DMGDH: variants seen among roughly 807,000 people sequenced by gnomAD.
The protein encoded by DMGDH is dimethylglycine dehydrogenase.
A neutral mutation model predicts 95.2 loss-of-function variants in DMGDH; 76 were observed. The observed-to-expected ratio is 0.80, with a 90% confidence interval of 0.66 to 0.97. DMGDH has a LOEUF of 0.97. DMGDH is among the 50% of genes least tolerant of loss of function. The probability of loss-of-function intolerance (pLI) is 0.00; values close to 1 mark genes in which losing one functional copy is unlikely to be tolerated. For missense variants in DMGDH, 987 were observed against 1,055.0 expected (o/e 0.94, Z 0.89); for synonymous variants, 345 against 377.6 (o/e 0.91, Z 1.00).
chr5:79,042,599 A>AT (rs1754542517), intron 6 of DMGDH, 118 bp from the exon 7 acceptor site: 1 of 929,800 alleles, frequency 1.1e-6, no homozygotes, highest in Admixed American at 1.9e-5. Flanking sequence ...AAGTACTGCC[A>AT]TTTTTTGTTA....
At chr5:79,005,550 CAA>C in intron 14 of DMGDH, 143 bp from the exon 15 acceptor site, 2 of 1,187,928 alleles carry the variant, frequency 1.7e-6, no homozygotes, top group Non-Finnish European at 2.4e-6. Flanking sequence ...TATGTCTAGA[CAA>C]ATATTTCTTA....
chr5:79,035,610 T>A (rs989139367), intron 7 of DMGDH, among the ~76,000 whole-genome samples: 3 of 152,090 alleles, frequency 2.0e-5, no homozygotes, highest in African/African-American at 7.2e-5. Flanking sequence ...TTTGACAGAC[T>A]TCCAGGGCAG....
chr5:79,053,140 T>C (rs1000399854), intron 4 of DMGDH, among the ~76,000 whole-genome samples: 3 of 150,458 alleles, frequency 2.0e-5, no homozygotes, highest in East Asian at 3.9e-4. Context: ...TAGATATAGA[T>C]ATAAACTTTT....
intron 15 of DMGDH, among the ~76,000 whole-genome samples, chr5:79,004,576 C>T (rs975370685): frequency 3.3e-5 from 5 of 152,106 alleles, no homozygotes; most frequent in Admixed American, 3.3e-4. Context: ...AAAACACACC[C>T]ACACTCAGTT....
intron 4 of DMGDH, among the ~76,000 whole-genome samples, chr5:79,052,619 C>T (rs1485619131): frequency 4.6e-5 from 7 of 152,134 alleles, no homozygotes. Context: ...GTACCTTCTC[C>T]CAGATGCAGA....
rs938943816 is a variant in DMGDH, at chr5:79,024,285, C to G, written c.2236G>C (p.Val746Leu). 1.9e-6 allele frequency: 3 copies of G among 1,613,470 alleles called. No homozygotes were observed. The highest frequency in any genetic ancestry group is 1.7e-6 in the Non-Finnish European group (2 of 1,179,612). ...NPLEAGLEYF[V>L]KLNKPADFIG... ...TGTAAACATACCTTATTTAACTTCA[C>G]AAAATATTCCAGTCCAGCTTCCAAA... The change falls in exon 14 of 16, where the codon GTG becomes CTG. Residue 746 changes from valine (V) to leucine (L), a missense_variant. Val to Leu is a conservative substitution (Grantham distance 32). Transcript: ENST00000255189.
intron 1 of DMGDH, among the ~76,000 whole-genome samples, chr5:79,066,908 T>C (rs1755398784): frequency 6.6e-6 from 1 of 152,210 alleles, no homozygotes; most frequent in South Asian, 2.1e-4. Context: ...AAACTTTTAC[T>C]GAGTGGCTTT....
chr5:79,000,834 T>G (rs1385908715), intron 15 of DMGDH: 5 of 632,232 alleles, frequency 7.9e-6, no homozygotes, highest in Non-Finnish European at 1.4e-5. Context: ...CCAGATGGGG[T>G]GGCCACATAT....
At chr5:79,029,499 A>C (rs1218690074) in intron 11 of DMGDH, among the ~76,000 whole-genome samples, 4 of 152,214 alleles carry the variant, frequency 2.6e-5, no homozygotes, top group African/African-American at 9.6e-5. Flanking sequence ...GACAGCTTAC[A>C]GAAGTGGACC....
chr5:79,041,698 G>T (rs1754511354), intron 7 of DMGDH, among the ~76,000 whole-genome samples: 1 of 152,136 alleles, frequency 6.6e-6, no homozygotes, highest in African/African-American at 2.4e-5. Flanking sequence ...AATATGCAAA[G>T]AGAAAGCTCC....
rs991832274 is a variant in DMGDH, at chr5:79,044,188, C to T, written c.994+116G>A. ...CTCAAACCTGTCACCTCCAATGTCC[C>T]AGGTATCTGAAAGTCTAGTATTATG... On this transcript the variant is annotated intron_variant, in intron 6 of 15. Transcript: ENST00000255189. 7 of 1,455,654 alleles carry T rather than the reference C, an allele frequency of 4.8e-6. No homozygotes were observed. The Admixed American group carries it at 5.0e-5, about 10-fold the overall frequency. 90.2% of individuals were successfully genotyped at this position (1,455,654 alleles called of 1,614,324 possible).
chr5:79,061,148 G>A (rs1755195921), intron 2 of DMGDH, among the ~76,000 whole-genome samples: 1 of 151,582 alleles, frequency 6.6e-6, no homozygotes, highest in Non-Finnish European at 1.5e-5. Flanking sequence ...TGAGCCCGTA[G>A]GTTGAGGCTG....
intron 5 of DMGDH, among the ~76,000 whole-genome samples, chr5:79,046,023 A>C (rs973646495): frequency 6.6e-6 from 1 of 152,146 alleles, no homozygotes; most frequent in Non-Finnish European, 1.5e-5. Flanking sequence ...TGCAAACCAG[A>C]AATCTAACTG....
intron 12 of DMGDH, among the ~76,000 whole-genome samples, chr5:79,027,840 CTTT>C (rs771037679): frequency 6.4e-5 from 7 of 109,450 alleles, no homozygotes; most frequent in Non-Finnish European, 1.1e-4. Context: ...CCCCACTTTT[CTTT>C]TTTTTTTTTT....
chr5:79,006,230 A>C (rs78313066), intron 14 of DMGDH, among the ~76,000 whole-genome samples: 1 of 151,878 alleles, frequency 6.6e-6, no homozygotes, highest in African/African-American at 2.4e-5. Context: ...AAAAAAAAAA[A>C]AGTAGGAATC....
At chr5:79,051,907 G>T (rs974855031) in intron 4 of DMGDH, among the ~76,000 whole-genome samples, 1 of 152,188 alleles carries the variant, frequency 6.6e-6, no homozygotes, top group Non-Finnish European at 1.5e-5. Context: ...GCAAGGTACT[G>T]TGGGGAAAAC....
chr5:79,038,512 C>A (rs58453764), intron 7 of DMGDH, among the ~76,000 whole-genome samples: 1 of 151,718 alleles, frequency 6.6e-6, no homozygotes, highest in Non-Finnish European at 1.5e-5. Context: ...GTATAGTAGT[C>A]GCATAAGAAT....
intron 9 of DMGDH, 36 bp from the exon 10 acceptor site, chr5:79,031,034 C>T (rs770579270): frequency 2.5e-6 from 4 of 1,612,462 alleles, no homozygotes; most frequent in Middle Eastern, 1.7e-4. Flanking sequence ...AAACAACTCC[C>T]GTTCATTTTT....
Position 79,026,544 on chromosome 5 carries a change from A to C in DMGDH, c.2070T>G (p.Asp690Glu), listed in dbSNP as rs1754007180. Residue 690 changes from aspartate (D) to glutamate (E), a missense_variant, in exon 13 of 16, where the codon GAT (aspartate) becomes GAG (glutamate). Physicochemically the swap from Asp to Glu is conservative, Grantham distance 45 (BLOSUM62 2). Coordinates refer to ENST00000255189, the MANE Select transcript of DMGDH (RefSeq NM_013391.3). ...LGWELYHRRE[D>E]SVALYDAIMN... ...TGATAGCGTCATACAGCGCCACAGAATCTTCTCTTCTGTGATACAGCTCCC... is the reference window on the plus strand; with the variant it reads ...TGATAGCGTCATACAGCGCCACAGACTCTTCTCTTCTGTGATACAGCTCCC... 1.2e-6 allele frequency: 2 copies of C among 1,613,990 alleles called. No individual in the cohort carries two copies. The highest frequency in any genetic ancestry group is 2.2e-5 in the South Asian group (2 of 91,078).
Sources: gnomAD v4.1 joint callset for allele counts (sites outside exome capture counted in the v4.1 genomes callset) on GRCh38, gnomAD v4.1.1 for gene constraint, MANE v1.5 for transcripts, NCBI Gene and HGNC (gene_info 2026-07-23, HGNC 2026-07-21) for gene names.